SEMA6D: variants seen among roughly 807,000 people sequenced by gnomAD.
SEMA6D encodes the protein semaphorin-6D.
Under a neutral mutation model 106.6 loss-of-function variants are expected in SEMA6D, and 35 were observed. That is an observed-to-expected ratio of 0.33 (90% CI 0.25 to 0.44). SEMA6D has a LOEUF of 0.44. Among genes scored for constraint, SEMA6D ranks in the 20% least tolerant of loss-of-function variants. The pLI is 1.00. For missense variants in SEMA6D, 1,185 were observed against 1,345.9 expected (o/e 0.88, Z 1.87); for synonymous variants, 499 against 487.7 (o/e 1.02, Z -0.31).
intron 3 of SEMA6D, among the ~76,000 whole-genome samples, chr15:47,493,032 T>C (rs753833110): frequency 1.8e-4 from 28 of 152,128 alleles, no homozygotes; most frequent in Non-Finnish European, 2.9e-4. Flanking sequence ...CATGCTAAGC[T>C]GGAATGAAAG....
rs142279928 is a variant in SEMA6D, at chr15:47,653,624, C to G, written c.-55+52728C>G. On this transcript the variant is annotated intron_variant, in intron 4 of 19. Transcript: ENST00000558014. ...GCTTTGCCTAAACAATTGCCCAATA[C>G]TTATTATCTTTGTGATTCAGTGAGG... Among the ~76,000 whole-genome samples the G allele has an allele frequency of 5.9e-4, 90 of 152,348 alleles. 1 individual carries two copies. The highest frequency in any genetic ancestry group is 6.8e-3 in the Middle Eastern group (2 of 294).
intron 3 of SEMA6D, among the ~76,000 whole-genome samples, chr15:47,544,301 A>G (rs1282960968): frequency 1.3e-5 from 2 of 152,140 alleles, no homozygotes; most frequent in East Asian, 1.9e-4. Context: ...TTTGATGACA[A>G]CATCAGCATG....
Position 47,764,907 on chromosome 15 carries a change from G to A in SEMA6D, c.1278G>A (p.Val426=). 6.2e-7 allele frequency: 1 copy of A among 1,613,676 alleles called. No individual in the cohort carries two copies. Among genetic ancestry groups the A allele is most frequent in the Non-Finnish European group, 8.5e-7 (1 of 1,179,812 alleles). The change falls in exon 13 of 19, where the codon GTG becomes GTA. Residue 426 remains valine, a synonymous_variant. Transcript: ENST00000536845. ...GGTACAGACTGACGGCCATCTCAGTGGACCATTCAGCCGGACCCTACCAGA... is the reference window on the plus strand; with the variant it reads ...GGTACAGACTGACGGCCATCTCAGTAGACCATTCAGCCGGACCCTACCAGA... ...RVRYRLTAIS[V]DHSAGPYQNY... is the part of the protein sequence containing the mutation.
At chr15:47,451,807 A>G (rs2042201609) in intron 2 of SEMA6D, among the ~76,000 whole-genome samples, 1 of 152,000 alleles carries the variant, frequency 6.6e-6, no homozygotes, top group South Asian at 2.1e-4. Flanking sequence ...GAAGAGATTG[A>G]CTGAGGAAAA....
rs553627762 is a variant in SEMA6D at position 47,297,918 on chromosome 15, G to A, written c.-239+113500G>A. 1.6e-3 allele frequency among the ~76,000 whole-genome samples: 247 copies of A among 152,262 alleles called. 1 individual carries two copies. Among genetic ancestry groups the A allele is most frequent in the African/African-American group, 5.8e-3 (240 of 41,540 alleles). Reference sequence around the variant, plus strand: ...GGTTGGCATGTTTCAAGGACAGAAGGTAAATCATTGTGGGGCTGAAATGAG... The same window carrying A: ...GGTTGGCATGTTTCAAGGACAGAAGATAAATCATTGTGGGGCTGAAATGAG... On this transcript the variant is annotated intron_variant, in intron 1 of 19. Coordinates refer to the SEMA6D transcript ENST00000558014.
intron 4 of SEMA6D, among the ~76,000 whole-genome samples, chr15:47,622,683 G>A (rs1041074830): frequency 6.6e-6 from 1 of 152,168 alleles, no homozygotes; most frequent in African/African-American, 2.4e-5. Flanking sequence ...AATCAAGTGT[G>A]TGATTTTGGC....
At chr15:47,401,074 G>A (rs2040382932) in intron 1 of SEMA6D, among the ~76,000 whole-genome samples, 1 of 152,156 alleles carries the variant, frequency 6.6e-6, no homozygotes, top group Admixed American at 6.5e-5. Context: ...CTACCTGATA[G>A]GGTTGCTGAG....
chr15:47,345,349 A>T (rs943642735), intron 1 of SEMA6D, among the ~76,000 whole-genome samples: 8 of 152,200 alleles, frequency 5.3e-5, no homozygotes, highest in Admixed American at 3.9e-4. Flanking sequence ...AAACTGTGGT[A>T]TTGGAGTAAA....
chr15:47,549,731 G>C (rs1029824964), intron 3 of SEMA6D, among the ~76,000 whole-genome samples: 1 of 151,996 alleles, frequency 6.6e-6, no homozygotes, highest in South Asian at 2.1e-4. Context: ...TAAAGTTGTT[G>C]AAATGAAGAT....
chr15:47,354,222 T>TATAG, intron 1 of SEMA6D, among the ~76,000 whole-genome samples: 1 of 137,194 alleles, frequency 7.3e-6, no homozygotes, highest in East Asian at 2.1e-4. Context: ...TATATATATA[T>TATAG]ACACACATAC....
chr15:47,290,351 G>A (rs2035544220), intron 1 of SEMA6D, among the ~76,000 whole-genome samples: 1 of 152,074 alleles, frequency 6.6e-6, no homozygotes, highest in Non-Finnish European at 1.5e-5. Context: ...TTCTCAGAGG[G>A]CAATTACTTC....
chr15:47,377,269 TGAAA>T (rs1474038950), intron 1 of SEMA6D, among the ~76,000 whole-genome samples: 1 of 152,226 alleles, frequency 6.6e-6, no homozygotes, highest in Non-Finnish European at 1.5e-5. Flanking sequence ...TCTTAACGAA[TGAAA>T]TGATTTCAGG....
chr15:47,440,104 A>C (rs1310217573), intron 2 of SEMA6D, among the ~76,000 whole-genome samples: 9 of 152,122 alleles, frequency 5.9e-5, no homozygotes, highest in Admixed American at 4.6e-4. Context: ...GAGGCTATGA[A>C]TATGCCAAGA....
At chr15:47,711,399 G>A (rs2079021693) in intron 4 of SEMA6D, among the ~76,000 whole-genome samples, 1 of 151,920 alleles carries the variant, frequency 6.6e-6, no homozygotes, top group East Asian at 1.9e-4. Flanking sequence ...AGAGGGGTTT[G>A]GGAACCAGAA....
At chr15:47,644,036 C>T (rs1161226025) in intron 4 of SEMA6D, among the ~76,000 whole-genome samples, 3 of 152,112 alleles carry the variant, frequency 2.0e-5, no homozygotes, top group Non-Finnish European at 4.4e-5. Flanking sequence ...GACTAGTAAG[C>T]TGCATCCCTG....
chr15:47,388,060 A>G (rs1207784661), intron 1 of SEMA6D, among the ~76,000 whole-genome samples: 1 of 152,028 alleles, frequency 6.6e-6, no homozygotes. Context: ...CTCCCTGGGG[A>G]TAGGTAGGAA....
intron 4 of SEMA6D, among the ~76,000 whole-genome samples, chr15:47,632,290 A>G (rs2144533697): frequency 6.6e-6 from 1 of 151,954 alleles, no homozygotes; most frequent in South Asian, 2.1e-4. Flanking sequence ...CTGTTTTGGG[A>G]TAGAGTGTTC....
chr15:47,193,667 A>C (rs1328020664), intron 1 of SEMA6D, among the ~76,000 whole-genome samples: 1 of 152,132 alleles, frequency 6.6e-6, no homozygotes, highest in Non-Finnish European at 1.5e-5. Context: ...AAAAACAAAA[A>C]CAAAACAAAA....
At chr15:47,229,775 T>C (rs1383231316) in intron 1 of SEMA6D, among the ~76,000 whole-genome samples, 1 of 152,142 alleles carries the variant, frequency 6.6e-6, no homozygotes, top group Non-Finnish European at 1.5e-5. Context: ...GACCATCCTT[T>C]ATTCTTTATT....
Sources: gnomAD v4.1 joint callset for allele counts (sites outside exome capture counted in the v4.1 genomes callset) on GRCh38, gnomAD v4.1.1 for gene constraint, MANE v1.5 for transcripts, NCBI Gene and HGNC (gene_info 2026-07-23, HGNC 2026-07-21) for gene names.